Variants in PCCA observed in about 807,000 individuals in gnomAD.
The protein encoded by PCCA is propionyl-CoA carboxylase alpha chain, mitochondrial.
In PCCA, 74 loss-of-function variants were observed where a neutral mutation model predicts 101.3. The ratio of observed to expected loss-of-function variants is 0.73; its 90% CI spans 0.61 to 0.89. PCCA has a LOEUF of 0.89. Among genes scored for constraint, PCCA ranks in the 40% least tolerant of loss-of-function variants. The pLI, the probability that PCCA is intolerant of heterozygous loss-of-function variation, is 0.00. For missense variants in PCCA, 891 were observed against 907.0 expected, an observed-to-expected ratio of 0.98 and a Z score of 0.23; for synonymous variants, 294 against 313.6, an observed-to-expected ratio of 0.94 and a Z score of 0.66.
chr13:100,221,026 G>A (rs1305160922), intron 7 of PCCA, among the ~76,000 whole-genome samples: 2 of 152,200 alleles, frequency 1.3e-5, no homozygotes, highest in Middle Eastern at 3.2e-3. Context: ...CAGGTAAATT[G>A]TGTTCTATTT....
chr13:100,276,660 G>A (rs1242400334), intron 12 of PCCA, among the ~76,000 whole-genome samples: 1 of 151,574 alleles, frequency 6.6e-6, no homozygotes, highest in African/African-American at 2.4e-5. Context: ...CTTCCCTTAT[G>A]CTGTATTTAA....
In PCCA at chr13:100,252,277, G is replaced by C. The variant is rs888694670; in HGVS notation, c.638-5318G>C. Among the ~76,000 whole-genome samples the C allele has an allele frequency of 1.6e-4, 25 of 152,188 alleles. 1 individual carries two copies. The highest frequency in any genetic ancestry group is 3.4e-3 in the Middle Eastern group (1 of 294). ...TGGACCTTTCCTTGAGGAAACAAAG[G>C]CCTTGTAGTTAATTATAGGTGTTTT... is the stretch of plus-strand genomic sequence containing the variant. On this transcript the variant is annotated intron_variant, in intron 8 of 23. Coordinates refer to ENST00000376285, the MANE Select transcript of PCCA (RefSeq NM_000282.4).
At chr13:100,350,874 C>T (rs1029268899) in intron 18 of PCCA, among the ~76,000 whole-genome samples, 3 of 152,218 alleles carry the variant, frequency 2.0e-5, no homozygotes, top group African/African-American at 4.8e-5. Flanking sequence ...ATTTCTCTCT[C>T]CTCTACTCTA....
At chr13:100,255,658 C>A (rs534270962) in intron 8 of PCCA, among the ~76,000 whole-genome samples, 3 of 152,086 alleles carry the variant, frequency 2.0e-5, no homozygotes, top group Non-Finnish European at 4.4e-5. Context: ...TTTTAGATTG[C>A]GCTTTTTCAC....
intron 1 of PCCA, among the ~76,000 whole-genome samples, chr13:100,089,466 A>G (rs1465242571): frequency 1.3e-5 from 2 of 152,224 alleles, no homozygotes; most frequent in Non-Finnish European, 2.9e-5. Flanking sequence ...CCTAGGGCAG[A>G]GGCAGTTGGG....
In PCCA at chr13:100,337,514, G is replaced by A. The variant is rs112791682; in HGVS notation, c.1541-2643G>A. On this transcript the variant is annotated intron_variant, in intron 17 of 23. Coordinates refer to ENST00000376285, the MANE Select transcript of PCCA (RefSeq NM_000282.4). Reference sequence around the variant, plus strand: ...GGAGTAGCATTATGCTAAAATCGTTGTAAGAATAGGTCAGTTATGATCAGA... The same window carrying A: ...GGAGTAGCATTATGCTAAAATCGTTATAAGAATAGGTCAGTTATGATCAGA... Among the ~76,000 whole-genome samples, 386 of 152,306 alleles carry A rather than the reference G, an allele frequency of 2.5e-3. 4 individuals carry two copies. In the South Asian group the frequency reaches 0.028, roughly 11 times the overall value.
chr13:100,117,237 A>AGG (rs1730116523), intron 4 of PCCA, among the ~76,000 whole-genome samples: 1 of 152,090 alleles, frequency 6.6e-6, no homozygotes, highest in African/African-American at 2.4e-5. Context: ...TTGGTCATTC[A>AGG]TTTATATTTT....
intron 17 of PCCA, among the ~76,000 whole-genome samples, chr13:100,336,338 T>TA (rs1690400106): frequency 6.6e-6 from 1 of 152,094 alleles, no homozygotes; most frequent in Non-Finnish European, 1.5e-5. Flanking sequence ...GCGTAGCTGT[T>TA]AAAAATAAAT....
intron 12 of PCCA, among the ~76,000 whole-genome samples, chr13:100,280,244 A>G (rs990905888): frequency 6.7e-4 from 102 of 151,368 alleles, no homozygotes; most frequent in African/African-American, 2.4e-3. Flanking sequence ...ATTTTTTTTA[A>G]GTCACTGGTT....
rs1487295510 is a variant in PCCA, at chr13:100,227,676, G to A, written c.601-8166G>A. Among the ~76,000 whole-genome samples, 7 of 152,170 alleles carry A rather than the reference G, an allele frequency of 4.6e-5. 1 individual carries two copies. Among genetic ancestry groups the A allele is most frequent in the Admixed American group, 4.6e-4 (7 of 15,264 alleles). On this transcript the variant is annotated intron_variant, in intron 7 of 23. Coordinates refer to ENST00000376285, the MANE Select transcript of PCCA (RefSeq NM_000282.4). ...TCTTTCCCCATCGGTGCTCAAAAGA[G>A]TTAAATAGCTTCAGAACCTGAGTGT...
intron 19 of PCCA, among the ~76,000 whole-genome samples, chr13:100,410,320 G>C (rs1277223844): frequency 1.3e-5 from 2 of 152,150 alleles, no homozygotes; most frequent in East Asian, 3.9e-4. Flanking sequence ...TGAGCTCACT[G>C]CAACCTCCAC....
chr13:100,194,938 T>C (rs896682999), intron 6 of PCCA, among the ~76,000 whole-genome samples: 7 of 152,134 alleles, frequency 4.6e-5, no homozygotes, highest in African/African-American at 1.7e-4. Flanking sequence ...TACTGTAAAA[T>C]TGCCAATTAT....
intron 19 of PCCA, among the ~76,000 whole-genome samples, chr13:100,422,127 C>CTTTCTTTCTTTT (rs2078860740): frequency 2.7e-5 from 2 of 74,756 alleles, no homozygotes; most frequent in African/African-American, 1.2e-4. Context: ...TCTTTTCTTT[C>CTTTCTTTCTTTT]TTTCTTTCTT....
At chr13:100,332,183 C>T (rs954440296) in intron 17 of PCCA, among the ~76,000 whole-genome samples, 1 of 152,070 alleles carries the variant, frequency 6.6e-6, no homozygotes, top group Admixed American at 6.6e-5. Context: ...CGTGATCTGC[C>T]CGCCTCGGCC....
intron 16 of PCCA, among the ~76,000 whole-genome samples, chr13:100,326,300 C>A (rs2068672203): frequency 6.6e-6 from 1 of 152,158 alleles, no homozygotes; most frequent in Admixed American, 6.5e-5. Context: ...GAGGAATTAA[C>A]AGAGGATGAC....
intron 6 of PCCA, among the ~76,000 whole-genome samples, chr13:100,200,505 A>G (rs1165579725): frequency 6.6e-6 from 1 of 152,092 alleles, no homozygotes; most frequent in East Asian, 1.9e-4. Flanking sequence ...ATTGCTACTG[A>G]TTGGTCATTT....
At chr13:100,386,670 C>G (rs904443877) in intron 19 of PCCA, among the ~76,000 whole-genome samples, 1 of 152,192 alleles carries the variant, frequency 6.6e-6, no homozygotes, top group South Asian at 2.1e-4. Context: ...CGTGAGCCAC[C>G]GCGCCCAGCC....
chr13:100,200,263 G>GCT (rs2058391283), intron 6 of PCCA, among the ~76,000 whole-genome samples: 1 of 152,046 alleles, frequency 6.6e-6, no homozygotes, highest in African/African-American at 2.4e-5. Context: ...ACCATGCCTG[G>GCT]CTAATTTTGT....
At chr13:100,192,847 T>C (rs1199439056) in intron 6 of PCCA, among the ~76,000 whole-genome samples, 2 of 152,252 alleles carry the variant, frequency 1.3e-5, no homozygotes. Flanking sequence ...ATTCCCTTGT[T>C]GGACTCTGTT....
Sources: allele counts gnomAD v4.1 joint callset (sites outside exome capture counted in the v4.1 genomes callset), GRCh38; gene constraint gnomAD v4.1.1; transcripts MANE v1.5; gene names NCBI Gene and HGNC (gene_info 2026-07-23, HGNC 2026-07-21).